LYPD5: variants seen among roughly 807,000 people sequenced by gnomAD.
LYPD5 encodes LY6/PLAUR domain containing 5.
LYPD5 carries 21 observed loss-of-function variants against 19.1 expected under a neutral mutation model. The ratio of observed to expected loss-of-function variants is 1.10; its 90% CI spans 0.78 to 1.58. The LOEUF (loss-of-function observed/expected upper bound fraction) is 1.58, where lower values mean the gene tolerates loss of function less well. Ranked by LOEUF, LYPD5 falls within the 40% of genes most tolerant of loss-of-function variation. LYPD5 has a pLI of 0.00. For missense variants in LYPD5, 287 were observed against 329.8 expected, an observed-to-expected ratio of 0.87 and a Z score of 1.00; for synonymous variants, 128 against 142.7, an observed-to-expected ratio of 0.90 and a Z score of 0.74.
chr19:43,814,699 T>C (rs1411958266), intron 1 of LYPD5, among the ~76,000 whole-genome samples: 1 of 152,210 alleles, frequency 6.6e-6, no homozygotes, highest in African/African-American at 2.4e-5. Flanking sequence ...AGGAAAATCT[T>C]CATATGATGT....
intron 4 of LYPD5, 142 bp from the exon 5 acceptor site, chr19:43,797,971 T>G: frequency 1.5e-6 from 1 of 670,658 alleles, no homozygotes; most frequent in Non-Finnish European, 2.6e-6. Flanking sequence ...CAGGCCTCCC[T>G]CAGACCAGGG....
intron 1 of LYPD5, among the ~76,000 whole-genome samples, chr19:43,816,032 CTCTATCTATCTA>C (rs111461643): frequency 0.1 from 15,158 of 147,802 alleles, 816 homozygotes; most frequent in Middle Eastern, 0.18. Context: ...CCACGCCCCA[CTCTATCTATCTA>C]TCTATCTATC....
At position 43,798,852 on chromosome 19, in the gene LYPD5, G is replaced by A; in HGVS notation, c.330C>T (p.Ala110=). ...GGAGGGCGTCATGAGTCATGAGGTG[G>A]GCGTTGCATTTGTCAGTTGTGCAGC... ...VRGCTTDKCN[A]HLMTHDALPN... Residue 110 remains alanine (A), a synonymous_variant, in exon 3 of 5, where the codon GCC becomes GCT. Transcript: ENST00000377950. 6.2e-7 allele frequency: 1 copy of A among 1,611,020 alleles called. No homozygotes were observed. Among genetic ancestry groups the A allele is most frequent in the Non-Finnish European group, 8.5e-7 (1 of 1,178,776 alleles).
chr19:43,809,898 A>G (rs977380557), intron 1 of LYPD5, among the ~76,000 whole-genome samples: 1 of 152,244 alleles, frequency 6.6e-6, no homozygotes, highest in Non-Finnish European at 1.5e-5. Context: ...TAAAATCAAC[A>G]CGTCTTTCCA....
Position 43,811,800 on chromosome 19 carries a change from T to C in LYPD5, c.-66+8740A>G, listed in dbSNP as rs190445521. On this transcript the variant is annotated intron_variant, in intron 1 of 4. Coordinates refer to the LYPD5 transcript ENST00000414615. ...CAGGAAGACTCATTGATCATCCATA[T>C]AGCAATTATGTGGATCAAAATTGTC... 4.6e-3 allele frequency among the ~76,000 whole-genome samples: 699 copies of C among 152,108 alleles called. 10 individuals are homozygous for C. Among genetic ancestry groups the C allele is most frequent in the African/African-American group, 0.016 (646 of 41,478 alleles).
chr19:43,796,738 C>T lies in LYPD5; in HGVS notation c.*853G>A, dbSNP rs74710563. 0.019 allele frequency: 2,828 copies of T among 152,260 alleles called. 54 individuals carry two copies. The highest frequency in any genetic ancestry group is 0.042 in the African/African-American group (1,750 of 41,534). 9.4% of individuals were successfully genotyped at this position (152,260 alleles called of 1,614,324 possible). On this transcript the variant is annotated 3_prime_UTR_variant, in exon 5 of 5. Coordinates refer to ENST00000377950, the MANE Select transcript of LYPD5 (RefSeq NM_001031749.3). ...AGCTCAACCAAGTGCTTTTGCCTCT[C>T]AGTTTGTTGACCTGTGACTTAGGGC...
chr19:43,818,979 T>C (rs538317281), intron 1 of LYPD5, among the ~76,000 whole-genome samples: 1 of 152,302 alleles, frequency 6.6e-6, no homozygotes, highest in East Asian at 1.9e-4. Flanking sequence ...TTCAAATTTA[T>C]TCTAATTCAA....
At chr19:43,804,990 A>G (rs1970259099), upstream of LYPD5, among the ~76,000 whole-genome samples, 2 of 152,116 alleles carry the variant, frequency 1.3e-5, no homozygotes, top group Non-Finnish European at 2.9e-5. Context: ...GAGACTTTGA[A>G]GTGTCAGCTC....
intron 1 of LYPD5, among the ~76,000 whole-genome samples, chr19:43,820,093 TCA>T (rs1599700444): frequency 6.6e-6 from 1 of 151,622 alleles, no homozygotes; most frequent in East Asian, 1.9e-4. Flanking sequence ...TGTGTCACAG[TCA>T]CAGATTCATT....
chr19:43,798,798 G>T lies in LYPD5; in HGVS notation c.370+14C>A. ...ATCGTCCCTCCCGGAGCCCAGCCCC[G>T]CTCTCCCGCGCACCTTGGCTCAGGT... On this transcript the variant is annotated intron_variant, in intron 3 of 4. Transcript: ENST00000377950. The T allele has an allele frequency of 1.2e-6, 2 of 1,600,524 alleles. No homozygotes were observed. Among genetic ancestry groups the T allele is most frequent in the Non-Finnish European group, 1.7e-6 (2 of 1,173,514 alleles).
At chr19:43,815,984 T>C (rs991850486) in intron 1 of LYPD5, among the ~76,000 whole-genome samples, 3 of 152,190 alleles carry the variant, frequency 2.0e-5, no homozygotes, top group Non-Finnish European at 2.9e-5. Context: ...TTCACCCGCC[T>C]TGGCCTCCCA....
chr19:43,799,605 A>G, intron 2 of LYPD5, 101 bp downstream of exon 2: 1 of 1,247,042 alleles, frequency 8.0e-7, no homozygotes. Context: ...TTCTATCTTT[A>G]TCTTTTCATC....
chr19:43,803,036 C>A (rs1273903434), upstream of LYPD5, among the ~76,000 whole-genome samples: 1 of 151,984 alleles, frequency 6.6e-6, no homozygotes, highest in Non-Finnish European at 1.5e-5. Flanking sequence ...CAGGGAGAGA[C>A]AGACACAAAA....
upstream of LYPD5, among the ~76,000 whole-genome samples, chr19:43,806,253 A>G (rs553812037): frequency 1.2e-4 from 18 of 152,252 alleles, no homozygotes; most frequent in East Asian, 3.5e-3. Flanking sequence ...CGTGAATCCT[A>G]TTGTGAATTG....
Position 43,798,814 on chromosome 19 carries a change from T to G in LYPD5, c.368A>C (p.Gln123Pro). The change falls in exon 3 of 5, where the codon CAA becomes CCA. Residue 123 changes from glutamine to proline, a missense_variant and splice_region_variant. Physicochemically the swap from Gln to Pro is moderately conservative, Grantham distance 76. Coordinates refer to ENST00000377950, the MANE Select transcript of LYPD5 (RefSeq NM_001031749.3). ...CCCAGCCCCGCTCTCCCGCGCACCT[T>G]GGCTCAGGTTGGGGAGGGCGTCATG... The part of the protein sequence containing the change: ...MTHDALPNLS[Q>P]APDPPTLSGA... 1 of 1,608,334 alleles carries G rather than the reference T, an allele frequency of 6.2e-7. No individual in the cohort carries two copies. The highest frequency in any genetic ancestry group is 8.5e-7 in the Non-Finnish European group (1 of 1,177,436).
chr19:43,803,196 C>T (rs10420441), upstream of LYPD5, among the ~76,000 whole-genome samples: 7,898 of 151,750 alleles, frequency 0.052, 566 homozygotes, highest in East Asian at 0.25. Context: ...AGGGACACCC[C>T]GATAGACACG....
At chr19:43,815,653 GAA>G (rs1240851869) in intron 1 of LYPD5, 1 of 212,104 alleles carries the variant, frequency 4.7e-6, no homozygotes, top group Non-Finnish European at 9.5e-6. Context: ...ACACTATTCT[GAA>G]GTGTGATTTA....
chr19:43,803,397 GGCTAGCACCTCCT>G (rs1382244282), upstream of LYPD5, among the ~76,000 whole-genome samples: 1 of 152,186 alleles, frequency 6.6e-6, no homozygotes, highest in Non-Finnish European at 1.5e-5. Context: ...AGAGACCCCA[GGCTAGCACCTCCT>G]GGTTTGTCTC....
intron 1 of LYPD5, 190 bp from the exon 2 acceptor site, chr19:43,800,024 C>T (rs1970202846): frequency 3.3e-6 from 2 of 600,424 alleles, no homozygotes; most frequent in South Asian, 4.4e-5. Flanking sequence ...GAGTAATGAC[C>T]TCTCTGCAGC....
Sources: allele counts gnomAD v4.1 joint callset (sites outside exome capture counted in the v4.1 genomes callset), GRCh38; gene constraint gnomAD v4.1.1; transcripts MANE v1.5; gene names NCBI Gene and HGNC (gene_info 2026-07-23, HGNC 2026-07-21).